The following PTPRZ1 variants were observed in gnomAD, a reference collection of about 807,000 sequenced individuals.
PTPRZ1 encodes receptor-type tyrosine-protein phosphatase zeta.
A neutral mutation model predicts 214.1 loss-of-function variants in PTPRZ1; 82 were observed. That is an observed-to-expected ratio of 0.38 (90% CI 0.32 to 0.46). The LOEUF (loss-of-function observed/expected upper bound fraction) is 0.46. PTPRZ1 is among the 20% of genes least tolerant of loss of function. PTPRZ1 has a pLI of 1.00. For synonymous variants in PTPRZ1, 945 were observed against 987.9 expected (o/e 0.96, Z 0.81); for missense variants, 2,603 against 2,748.7 (o/e 0.95, Z 1.19).
chr7:121,946,420 T>A (rs1796376168), intron 2 of PTPRZ1, among the ~76,000 whole-genome samples: 1 of 152,136 alleles, frequency 6.6e-6, no homozygotes, highest in South Asian at 2.1e-4. Context: ...AAAAACTGGT[T>A]TACTCCCTAT....
chr7:121,906,375 A>G (rs1486256562), intron 1 of PTPRZ1, among the ~76,000 whole-genome samples: 1 of 152,140 alleles, frequency 6.6e-6, no homozygotes, highest in Non-Finnish European at 1.5e-5. Flanking sequence ...TATGTTTGGT[A>G]GTAGTAGTTA....
chr7:121,976,157 A>T lies in PTPRZ1; in HGVS notation c.457-16A>T, dbSNP rs1481281061. The T allele has an allele frequency of 1.3e-6, 2 of 1,548,312 alleles. No homozygotes were observed. Among genetic ancestry groups the T allele is most frequent in the African/African-American group, 1.3e-5 (1 of 74,248 alleles). On this transcript the variant is annotated splice_polypyrimidine_tract_variant and intron_variant, in intron 4 of 29. Transcript: ENST00000393386. ...AGTCTTTGTGTATCATAAAACTATC[A>T]TTGTTACTTTTATAGATGCAAATCT...
chr7:121,919,715 C>T (rs1795534272), intron 1 of PTPRZ1, among the ~76,000 whole-genome samples: 1 of 151,946 alleles, frequency 6.6e-6, no homozygotes, highest in African/African-American at 2.4e-5. Context: ...TCATACTTTT[C>T]CTTATCTAAT....
chr7:121,923,701 G>GT (rs1012024403), intron 1 of PTPRZ1, among the ~76,000 whole-genome samples: 1 of 151,122 alleles, frequency 6.6e-6, no homozygotes, highest in East Asian at 1.9e-4. Flanking sequence ...TAACTTGGTG[G>GT]GGGGGTGGTA....
In PTPRZ1 at chr7:121,873,311, C is replaced by T; in HGVS notation, c.-189C>T. 1.8e-6 allele frequency: 1 copy of T among 545,778 alleles called. No individual in the cohort carries two copies. The highest frequency in any genetic ancestry group is 3.2e-6 in the Non-Finnish European group (1 of 315,554). The allele number at this position is 545,778 out of a possible 1,614,324, so 33.8% of individuals were successfully genotyped here. A position where few individuals can be genotyped will look rare whatever the true frequency, so the allele number is the denominator to read the frequency against. ...TCTGACTGTCTCTCTCTGTCTCTGT[C>T]TCTGTCTCTCTCTCTCTCACACACA... On this transcript the variant is annotated 5_prime_UTR_variant, in exon 1 of 30. Transcript: ENST00000393386.
At chr7:121,999,686 G>A (rs1053064052) in intron 10 of PTPRZ1, among the ~76,000 whole-genome samples, 5 of 151,690 alleles carry the variant, frequency 3.3e-5, no homozygotes, top group South Asian at 2.1e-4. Flanking sequence ...TATTTTATTC[G>A]CTATGCCAAA....
At chr7:122,037,158 C>T (rs939513730) in intron 18 of PTPRZ1, among the ~76,000 whole-genome samples, 37 of 152,030 alleles carry the variant, frequency 2.4e-4, no homozygotes, top group African/African-American at 8.9e-4. Flanking sequence ...GCCTGTAGTC[C>T]CAGCTACTCG....
Position 121,898,860 on chromosome 7 carries a change from A to T in PTPRZ1, c.58+25303A>T, listed in dbSNP as rs1335134426. ...AGCTTCAGGGGAAAAAAGCTAGAACAGAGTGTGTGTTCAAGAAGTAAAATA... is the reference window on the plus strand; with the variant it reads ...AGCTTCAGGGGAAAAAAGCTAGAACTGAGTGTGTGTTCAAGAAGTAAAATA... On this transcript the variant is annotated intron_variant, in intron 1 of 29. Transcript: ENST00000393386. 3.9e-5 allele frequency among the ~76,000 whole-genome samples: 6 copies of T among 152,226 alleles called. No individual in the cohort carries two copies. In the East Asian group the frequency reaches 9.6e-4, roughly 24 times the overall value.
chr7:121,998,346 G>GT (rs759869376), intron 10 of PTPRZ1, among the ~76,000 whole-genome samples: 2 of 152,100 alleles, frequency 1.3e-5, no homozygotes, highest in Non-Finnish European at 2.9e-5. Flanking sequence ...GGTTTAATTT[G>GT]TATTTATTTC....
chr7:121,908,580 T>G, intron 1 of PTPRZ1: 2 of 351,054 alleles, frequency 5.7e-6, no homozygotes, highest in Non-Finnish European at 1.1e-5. Context: ...AATGGTATCT[T>G]TTACGTCTGT....
intron 27 of PTPRZ1, among the ~76,000 whole-genome samples, chr7:122,056,059 C>T (rs764258937): frequency 1.3e-5 from 2 of 151,788 alleles, no homozygotes; most frequent in African/African-American, 4.8e-5. Flanking sequence ...CTAGAAGGCT[C>T]GTAAGGTCCC....
chr7:121,917,126 G>A (rs1795450747), intron 1 of PTPRZ1, among the ~76,000 whole-genome samples: 1 of 152,038 alleles, frequency 6.6e-6, no homozygotes. Flanking sequence ...TACAATACAA[G>A]GAAATAAAAT....
intron 21 of PTPRZ1, 37 bp downstream of exon 21, chr7:122,041,016 T>A: frequency 7.2e-7 from 1 of 1,397,828 alleles, no homozygotes; most frequent in Admixed American, 2.6e-5. Flanking sequence ...CCCATAGAAT[T>A]GCTTATACTT....
chr7:121,947,072 A>G (rs531023230), intron 2 of PTPRZ1, among the ~76,000 whole-genome samples: 30 of 152,240 alleles, frequency 2.0e-4, no homozygotes, highest in African/African-American at 7.2e-4. Context: ...CATGGTACTA[A>G]TGTTATCAAT....
intron 14 of PTPRZ1, among the ~76,000 whole-genome samples, chr7:122,029,597 A>G (rs1236534758): frequency 2.0e-5 from 3 of 151,972 alleles, no homozygotes; most frequent in Non-Finnish European, 4.4e-5. Context: ...GGCACTTTTT[A>G]AATTCTCTGA....
Position 122,042,707 on chromosome 7 carries a change from C to A in PTPRZ1, c.5901C>A (p.His1967Gln). 1 of 1,612,836 alleles carries A rather than the reference C, an allele frequency of 6.2e-7. No homozygotes were observed. Among genetic ancestry groups the A allele is most frequent in the Non-Finnish European group, 8.5e-7 (1 of 1,178,858 alleles). Reference sequence around the variant, plus strand: ...TCAACATATTTGGCTTCTTAAAACACATCCGTTCACAAAGAAATTATTTGG... The same window carrying A: ...TCAACATATTTGGCTTCTTAAAACAAATCCGTTCACAAAGAAATTATTTGG... The part of the protein sequence containing the change: ...GTVNIFGFLK[H>Q]IRSQRNYLVQ... The change falls in exon 22 of 30, where the codon CAC becomes CAA. Residue 1967 changes from histidine (H) to glutamine (Q), a missense_variant. By Grantham distance (24) the His-to-Gln change is conservative. Transcript: ENST00000393386.
rs372321797 is a variant in PTPRZ1 at position 121,968,089 on chromosome 7, C to T, written c.263C>T (p.Thr88Ile). ...KKLKFQGWDK[T>I]SLENTFIHNT... ...CTTAAATTTCAGGGTTGGGATAAAACATCATTGGAAAACACATTCATTCAT... is the reference window on the plus strand; with the variant it reads ...CTTAAATTTCAGGGTTGGGATAAAATATCATTGGAAAACACATTCATTCAT... Residue 88 changes from threonine (T) to isoleucine (I), a missense_variant, in exon 3 of 30, where the codon ACA becomes ATA. Physicochemically the swap from Thr to Ile is moderately conservative, Grantham distance 89. Transcript: ENST00000393386. 2 of 1,606,086 alleles carry T rather than the reference C, an allele frequency of 1.2e-6. No individual in the cohort carries two copies. Among genetic ancestry groups the T allele is most frequent in the African/African-American group, 2.7e-5 (2 of 74,538 alleles).
intron 1 of PTPRZ1, among the ~76,000 whole-genome samples, chr7:121,912,786 G>A (rs903927908): frequency 6.6e-6 from 1 of 151,948 alleles, no homozygotes; most frequent in Non-Finnish European, 1.5e-5. Context: ...GTGAAGAGGA[G>A]GGAACTTGCA....
intron 13 of PTPRZ1, among the ~76,000 whole-genome samples, chr7:122,023,466 T>C (rs1799084463): frequency 1.5e-5 from 2 of 137,108 alleles, no homozygotes; most frequent in Admixed American, 7.8e-5. Flanking sequence ...AACTTTGGGA[T>C]TTATATATAT....
Sources: allele counts gnomAD v4.1 joint callset (sites outside exome capture counted in the v4.1 genomes callset), GRCh38; gene constraint gnomAD v4.1.1; transcripts MANE v1.5; gene names NCBI Gene and HGNC (gene_info 2026-07-23, HGNC 2026-07-21).